Variants in SPTLC1 observed in about 807,000 individuals in gnomAD.
The protein encoded by SPTLC1 is serine palmitoyltransferase 1.
SPTLC1 carries 55 observed loss-of-function variants against 68.9 expected under a neutral mutation model. The ratio of observed to expected loss-of-function variants is 0.80; its 90% confidence interval spans 0.64 to 1.00. SPTLC1 has a LOEUF of 1.00. SPTLC1 is among the 50% of genes least tolerant of loss of function. The pLI, the probability that SPTLC1 is intolerant of heterozygous loss-of-function variation, is 0.00. For missense variants in SPTLC1, 449 were observed against 573.1 expected (o/e 0.78, Z 2.21); for synonymous variants, 197 against 201.6 (o/e 0.98, Z 0.19).
chr9:92,048,134 G>A (rs1437767118), intron 9 of SPTLC1, among the ~76,000 whole-genome samples: 1 of 152,152 alleles, frequency 6.6e-6, no homozygotes, highest in Non-Finnish European at 1.5e-5. Flanking sequence ...CTTTATTCTT[G>A]TATTCAGTTT....
intron 6 of SPTLC1, among the ~76,000 whole-genome samples, chr9:92,061,742 G>A (rs1000378591): frequency 1.3e-5 from 2 of 152,130 alleles, no homozygotes; most frequent in African/African-American, 4.8e-5. Context: ...GGAATGTAAA[G>A]GAAGGTAAAA....
chr9:92,107,475 A>G (rs972156034), intron 3 of SPTLC1, among the ~76,000 whole-genome samples: 3 of 152,240 alleles, frequency 2.0e-5, no homozygotes, highest in Admixed American at 2.0e-4. Context: ...AATTTGGGCC[A>G]GGTGCGGCGG....
intron 12 of SPTLC1, 137 bp downstream of exon 12, chr9:92,045,862 T>C: frequency 2.8e-6 from 2 of 705,740 alleles, no homozygotes; most frequent in Non-Finnish European, 2.5e-6. Context: ...AATAAACCAA[T>C]GTGAGTGAAC....
chr9:92,106,367 G>A (rs1425520028), intron 3 of SPTLC1, among the ~76,000 whole-genome samples: 3 of 151,648 alleles, frequency 2.0e-5, no homozygotes, highest in South Asian at 2.1e-4. Flanking sequence ...TCAGCTACTC[G>A]AGAGGCTGAG....
intron 5 of SPTLC1, among the ~76,000 whole-genome samples, chr9:92,072,561 C>A (rs931638166): frequency 2.6e-5 from 4 of 152,080 alleles, no homozygotes; most frequent in African/African-American, 9.7e-5. Context: ...CCAGTTCTAA[C>A]ATGGGCAACC....
chr9:92,050,616 C>T (rs1052901102), intron 8 of SPTLC1: 2 of 156,842 alleles, frequency 1.3e-5, no homozygotes, highest in African/African-American at 4.8e-5. Context: ...TTTGTGTCAA[C>T]TGGTTGATGA....
chr9:92,034,147 T>C (rs1833063709), intron 14 of SPTLC1, among the ~76,000 whole-genome samples: 1 of 152,224 alleles, frequency 6.6e-6, no homozygotes, highest in Admixed American at 6.5e-5. Context: ...TCTCTAGTTT[T>C]GGTGTAGACA....
Position 92,031,752 on chromosome 9 carries a change from T to G in SPTLC1, c.*713A>C, listed in dbSNP as rs142008725. ...ACACATAAGAAATGTAAAGAAAGGTTAATTACATTAAAATAAAATAGCTTC... is the reference window on the plus strand; with the variant it reads ...ACACATAAGAAATGTAAAGAAAGGTGAATTACATTAAAATAAAATAGCTTC... On this transcript the variant is annotated 3_prime_UTR_variant, in exon 15 of 15. Coordinates refer to ENST00000262554, the MANE Select transcript of SPTLC1 (RefSeq NM_006415.4). 1.3e-5 allele frequency: 2 copies of G among 153,108 alleles called. No individual in the cohort carries two copies. Among genetic ancestry groups the G allele is most frequent in the African/African-American group, 4.8e-5 (2 of 41,580 alleles). 9.5% of individuals were successfully genotyped at this position (153,108 alleles called of 1,614,324 possible).
chr9:92,046,239 G>A, intron 11 of SPTLC1, 186 bp from the exon 12 acceptor site: 1 of 616,238 alleles, frequency 1.6e-6, no homozygotes, highest in East Asian at 2.8e-5. Context: ...GTGCTAACTG[G>A]CCCCTTCTCA....
chr9:92,055,635 T>C, intron 7 of SPTLC1, 141 bp from the exon 8 acceptor site: 2 of 855,306 alleles, frequency 2.3e-6, no homozygotes, highest in Non-Finnish European at 3.8e-6. Flanking sequence ...GTGTTTGTGA[T>C]GGGTTATTTT....
intron 5 of SPTLC1, chr9:92,079,051 C>T: frequency 1.0e-6 from 1 of 957,990 alleles, no homozygotes; most frequent in Non-Finnish European, 1.2e-6. Context: ...ATGCTATTTC[C>T]AGCAATAAAT....
intron 1 of SPTLC1, among the ~76,000 whole-genome samples, chr9:92,113,041 A>T (rs1267055656): frequency 6.6e-6 from 1 of 151,924 alleles, no homozygotes; most frequent in Non-Finnish European, 1.5e-5. Context: ...CAGGAGGTGG[A>T]GGTTGTGGTG....
chr9:92,046,453 A>G (rs923111477), intron 11 of SPTLC1: 2 of 193,830 alleles, frequency 1.0e-5, no homozygotes, highest in African/African-American at 4.7e-5. Flanking sequence ...TTTTTTATTC[A>G]AGGAAAATCC....
chr9:92,101,793 T>C (rs1564116256), intron 3 of SPTLC1, among the ~76,000 whole-genome samples: 2 of 150,864 alleles, frequency 1.3e-5, no homozygotes, highest in East Asian at 3.9e-4. Context: ...CTATGAGACT[T>C]GTGCCATGAT....
At chr9:92,065,493 G>A (rs978322295) in intron 6 of SPTLC1, among the ~76,000 whole-genome samples, 1 of 152,122 alleles carries the variant, frequency 6.6e-6, no homozygotes, top group Non-Finnish European at 1.5e-5. Flanking sequence ...ACACATGGAA[G>A]TGAATTTAGC....
chr9:92,115,341 C>G lies in SPTLC1; in HGVS notation c.30G>C (p.Leu10=), dbSNP rs751863402. 12 of 1,612,830 alleles carry G rather than the reference C, an allele frequency of 7.4e-6. No homozygotes were observed. Among genetic ancestry groups the G allele is most frequent in the Non-Finnish European group, 1.0e-5 (12 of 1,179,998 alleles). ...CGTAAAGCGCCTGTACCATCTCCAC[C>G]AGAACCCACTGCTCCGTGGCGGTCG... is the stretch of plus-strand genomic sequence containing the variant. MATATEQWV[L]VEMVQALYEA... The change falls in exon 1 of 15, where the codon CTG becomes CTC. Residue 10 remains leucine, a synonymous_variant. Coordinates refer to ENST00000262554, the MANE Select transcript of SPTLC1 (RefSeq NM_006415.4).
chr9:92,068,665 G>C (rs1834375929), intron 5 of SPTLC1, among the ~76,000 whole-genome samples: 1 of 152,172 alleles, frequency 6.6e-6, no homozygotes, highest in Non-Finnish European at 1.5e-5. Context: ...TAGTACAAAA[G>C]GAAATATAGT....
At chr9:92,085,406 G>GC (rs1370632757) in intron 3 of SPTLC1, among the ~76,000 whole-genome samples, 30 of 151,752 alleles carry the variant, frequency 2.0e-4, no homozygotes, top group South Asian at 8.4e-4. Context: ...TCTACACACT[G>GC]CTTTGAATGT....
rs545127675 is a variant in SPTLC1 at position 92,060,963 on chromosome 9, A to G, written c.561-1655T>C. ...GAAATCATTCACTGAGCACAACAGGAAGAAAATAGACTAGAAAGAAATGAA... is the reference window on the plus strand; with the variant it reads ...GAAATCATTCACTGAGCACAACAGGGAGAAAATAGACTAGAAAGAAATGAA... On this transcript the variant is annotated intron_variant, in intron 6 of 14. Transcript: ENST00000262554. 1.6e-4 allele frequency among the ~76,000 whole-genome samples: 24 copies of G among 152,080 alleles called. No individual in the cohort carries two copies. The South Asian group carries it at 2.5e-3, about 16-fold the overall frequency.
Sources: allele counts gnomAD v4.1 joint callset (sites outside exome capture counted in the v4.1 genomes callset), GRCh38; gene constraint gnomAD v4.1.1; transcripts MANE v1.5; gene names NCBI Gene and HGNC (gene_info 2026-07-23, HGNC 2026-07-21).